Variants in IL1RAPL2 observed in about 807,000 individuals in gnomAD.
The protein encoded by IL1RAPL2 is interleukin 1 receptor accessory protein like 2.
IL1RAPL2 carries 3 observed loss-of-function variants against 44.1 expected under a neutral mutation model. The observed-to-expected ratio is 0.07, with a 90% CI of 0.03 to 0.18. The LOEUF is 0.18. IL1RAPL2 is among the 10% of genes least tolerant of loss of function. The probability of loss-of-function intolerance (pLI) is 1.00; values close to 1 mark genes in which losing one functional copy is unlikely to be tolerated. For missense variants in IL1RAPL2, 391 were observed against 496.4 expected (o/e 0.79, Z 2.02); for synonymous variants, 181 against 178.8 (o/e 1.01, Z -0.10).
intron 2 of IL1RAPL2, among the ~76,000 whole-genome samples, chrX:105,187,954 ACAT>A (rs1556134918): frequency 8.9e-6 from 1 of 111,812 alleles, no homozygotes; most frequent in African/African-American, 3.2e-5. Context: ...ACACATAGAA[ACAT>A]CATGTCATAT....
chrX:105,487,036 G>A (rs1299304313), intron 6 of IL1RAPL2, among the ~76,000 whole-genome samples: 1 of 100,791 alleles, frequency 9.9e-6, no homozygotes, highest in African/African-American at 3.7e-5. Context: ...AGCTTGCAGT[G>A]AGCTGAGATC....
chrX:105,406,476 T>C (rs2035645557), intron 5 of IL1RAPL2: 1 of 1,198,992 alleles, frequency 8.3e-7, no homozygotes, highest in Non-Finnish European at 1.1e-6. Flanking sequence ...CATTCACCAA[T>C]ATCCCGAAAG....
chrX:105,327,732 T>C (rs923951296), intron 5 of IL1RAPL2, among the ~76,000 whole-genome samples: 1 of 111,244 alleles, frequency 9.0e-6, no homozygotes, highest in South Asian at 3.7e-4. Flanking sequence ...TTGAGATGAA[T>C]GTCATAGAAA....
chrX:105,478,374 G>A (rs1291837799), intron 5 of IL1RAPL2, among the ~76,000 whole-genome samples: 1 of 110,314 alleles, frequency 9.1e-6, no homozygotes, highest in Non-Finnish European at 1.9e-5. Flanking sequence ...TCTCGCTGAG[G>A]TTGAAAAAAA....
At chrX:104,838,867 T>G (rs1921823560) in intron 2 of IL1RAPL2, among the ~76,000 whole-genome samples, 1 of 75,654 alleles carries the variant, frequency 1.3e-5, no homozygotes. Context: ...TTTTTTTTTT[T>G]GAGGCAGAGT....
chrX:105,040,500 C>G (rs1163305959), intron 2 of IL1RAPL2, among the ~76,000 whole-genome samples: 1 of 110,877 alleles, frequency 9.0e-6, no homozygotes, highest in Non-Finnish European at 1.9e-5. Context: ...GGCTGTGAAT[C>G]CATCTGGTCC....
chrX:105,009,235 A>C (rs1354396342), intron 2 of IL1RAPL2, among the ~76,000 whole-genome samples: 6 of 111,394 alleles, frequency 5.4e-5, no homozygotes, highest in African/African-American at 1.3e-4. Flanking sequence ...TTGACCCAGC[A>C]ATCCCGTTAC....
chrX:105,751,075 C>G (rs2038593254), intron 9 of IL1RAPL2, among the ~76,000 whole-genome samples: 1 of 110,972 alleles, frequency 9.0e-6, no homozygotes, highest in African/African-American at 3.3e-5. Flanking sequence ...CAAGACCAGC[C>G]TGAGCAACAT....
intron 2 of IL1RAPL2, among the ~76,000 whole-genome samples, chrX:104,678,329 C>T (rs778333373): frequency 8.9e-6 from 1 of 111,851 alleles, no homozygotes; most frequent in South Asian, 3.8e-4. Flanking sequence ...AGTTTTTAAA[C>T]CTATGTAGAG....
At chrX:105,504,452 C>T (rs1374377410) in intron 6 of IL1RAPL2, among the ~76,000 whole-genome samples, 1 of 111,530 alleles carries the variant, frequency 9.0e-6, no homozygotes, top group African/African-American at 3.3e-5. Flanking sequence ...TACTCATCAT[C>T]TGGACAATTC....
chrX:105,411,039 GA>G (rs1287525553), intron 5 of IL1RAPL2, among the ~76,000 whole-genome samples: 1 of 111,851 alleles, frequency 8.9e-6, no homozygotes, highest in Non-Finnish European at 1.9e-5. Flanking sequence ...TGGGAGGAGA[GA>G]AAAATCTAGA....
At chrX:105,563,696 G>A (rs193089386) in intron 6 of IL1RAPL2, among the ~76,000 whole-genome samples, 99 of 111,658 alleles carry the variant, frequency 8.9e-4, no homozygotes, top group Admixed American at 7.0e-3. Context: ...ATTTGAGTTA[G>A]TCTGTCACCA....
chrX:105,043,246 AAAAG>A (rs2031783337), intron 2 of IL1RAPL2, among the ~76,000 whole-genome samples: 1 of 110,545 alleles, frequency 9.0e-6, no homozygotes, highest in Admixed American at 9.6e-5. Context: ...TAAAAAAAGA[AAAAG>A]AGAGTATTTG....
At chrX:105,077,556 C>T (rs755599095) in intron 2 of IL1RAPL2, among the ~76,000 whole-genome samples, 26 of 110,657 alleles carry the variant, frequency 2.3e-4, no homozygotes, top group South Asian at 7.7e-4. Flanking sequence ...ATCTTTGTGG[C>T]GTTCTCTGTA....
At chrX:105,339,607 A>T (rs1052870124) in intron 5 of IL1RAPL2, among the ~76,000 whole-genome samples, 5 of 111,457 alleles carry the variant, frequency 4.5e-5, no homozygotes, top group Non-Finnish European at 7.5e-5. Context: ...TATCCTTAGG[A>T]GGCCCTTATG....
chrX:105,563,888 G>A (rs1342091216), intron 6 of IL1RAPL2, among the ~76,000 whole-genome samples: 1 of 111,995 alleles, frequency 8.9e-6, no homozygotes. Context: ...ACTTTCAATG[G>A]CACCTTCATC....
chrX:104,712,649 T>A (rs1420685505), intron 2 of IL1RAPL2, among the ~76,000 whole-genome samples: 1 of 110,996 alleles, frequency 9.0e-6, no homozygotes, highest in East Asian at 2.8e-4. Flanking sequence ...GACCAGTAAT[T>A]TTTTTTCTCA....
At chrX:104,967,211 G>A (rs1177433524) in intron 2 of IL1RAPL2, among the ~76,000 whole-genome samples, 1 of 111,888 alleles carries the variant, frequency 8.9e-6, no homozygotes, top group African/African-American at 3.2e-5. Context: ...TACAGACCAT[G>A]TTCTCTTAAC....
intron 1 of IL1RAPL2, among the ~76,000 whole-genome samples, chrX:104,570,899 A>C (rs1271970958): frequency 9.1e-6 from 1 of 109,953 alleles, no homozygotes; most frequent in Non-Finnish European, 1.9e-5. Flanking sequence ...TTGTCATGAA[A>C]ATGTATTAAG....
Sources: gnomAD v4.1 joint callset for allele counts (sites outside exome capture counted in the v4.1 genomes callset) on GRCh38, gnomAD v4.1.1 for gene constraint, MANE v1.5 for transcripts, NCBI Gene and HGNC (gene_info 2026-07-23, HGNC 2026-07-21) for gene names.